The following RAP1A variants were observed in gnomAD, a reference collection of about 807,000 sequenced individuals.
The protein encoded by RAP1A is RAP1A, member of RAS oncogene family.
Under a neutral mutation model 26.4 loss-of-function variants are expected in RAP1A, and 6 were observed. The ratio of observed to expected loss-of-function variants is 0.23; its 90% CI spans 0.12 to 0.45. RAP1A has a LOEUF of 0.45. Ranked by LOEUF, RAP1A falls within the 20% of genes least tolerant of loss-of-function variation. The pLI is 0.99. For synonymous variants in RAP1A, 73 were observed against 79.4 expected (o/e 0.92, Z 0.43); for missense variants, 121 against 217.2 (o/e 0.56, Z 2.78).
chr1:111,697,497 A>G lies in RAP1A; in HGVS notation c.183A>G (p.Thr61=), dbSNP rs935006216. ...CMLEILDTAG[T]EQFTAMRDLY... is the part of the protein sequence containing the mutation. ...TCGAAATCCTGGATACTGCAGGGAC[A>G]GTAAGGATGTTTTCTCTTTTTTTGA... The change falls in exon 4 of 8, where the codon ACA becomes ACG. Residue 61 remains threonine (T), a splice_region_variant and synonymous_variant. Transcript: ENST00000369709. 1.9e-6 allele frequency: 3 copies of G among 1,611,720 alleles called. No homozygotes were observed. Among genetic ancestry groups the G allele is most frequent in the East Asian group, 4.5e-5 (2 of 44,834 alleles).
At chr1:111,551,930 T>C (rs899363200) in intron 1 of RAP1A, among the ~76,000 whole-genome samples, 1 of 152,256 alleles carries the variant, frequency 6.6e-6, no homozygotes, top group African/African-American at 2.4e-5. Context: ...TTCTTGAGCA[T>C]GTGAACAGTT....
chr1:111,611,517 G>A (rs1460842055), intron 1 of RAP1A, among the ~76,000 whole-genome samples: 6 of 152,018 alleles, frequency 3.9e-5, no homozygotes, highest in Admixed American at 2.0e-4. Flanking sequence ...AATGAATAAC[G>A]GTTTATCTTT....
At chr1:111,675,952 T>C (rs72697814) in intron 1 of RAP1A, among the ~76,000 whole-genome samples, 19,228 of 152,150 alleles carry the variant, frequency 0.13, 1,540 homozygotes, top group South Asian at 0.18. Flanking sequence ...TTTCCCCTTA[T>C]CAAAGATCTT....
intron 1 of RAP1A, among the ~76,000 whole-genome samples, chr1:111,630,621 C>T (rs1006140642): frequency 2.4e-4 from 37 of 152,082 alleles, no homozygotes; most frequent in African/African-American, 7.5e-4. Flanking sequence ...TGGAAAAGCT[C>T]GCTGAGATGG....
At chr1:111,580,875 A>C (rs1288049879) in intron 1 of RAP1A, among the ~76,000 whole-genome samples, 4 of 148,988 alleles carry the variant, frequency 2.7e-5, no homozygotes, top group South Asian at 2.2e-4. Context: ...CAAAAAAAAA[A>C]CAACAAAAAA....
chr1:111,576,124 A>G (rs1187002300), intron 1 of RAP1A, among the ~76,000 whole-genome samples: 1 of 152,154 alleles, frequency 6.6e-6, no homozygotes. Flanking sequence ...TAAAGTGCAT[A>G]TGGATCACCT....
chr1:111,616,543 C>T (rs1200137712), upstream of RAP1A, among the ~76,000 whole-genome samples: 2 of 152,204 alleles, frequency 1.3e-5, no homozygotes, highest in East Asian at 3.8e-4. Context: ...TTGATTACTT[C>T]CTCTCAAACT....
At chr1:111,643,120 G>T (rs1659946935) in intron 1 of RAP1A, among the ~76,000 whole-genome samples, 1 of 152,082 alleles carries the variant, frequency 6.6e-6, no homozygotes, top group Admixed American at 6.5e-5. Context: ...AGGATTTTGG[G>T]GCCATATGGT....
chr1:111,613,822 A>T (rs1357866251), intron 1 of RAP1A, among the ~76,000 whole-genome samples: 1 of 152,250 alleles, frequency 6.6e-6, no homozygotes, highest in Non-Finnish European at 1.5e-5. Flanking sequence ...GTGGACCAGC[A>T]TCAACAATCT....
chr1:111,566,323 G>C (rs1435428231), intron 1 of RAP1A, among the ~76,000 whole-genome samples: 1 of 152,180 alleles, frequency 6.6e-6, no homozygotes, highest in African/African-American at 2.4e-5. Flanking sequence ...GCTAATGTGA[G>C]ACATTATGAG....
chr1:111,583,452 C>G (rs1042849319), intron 1 of RAP1A, among the ~76,000 whole-genome samples: 43 of 142,050 alleles, frequency 3.0e-4, no homozygotes, highest in Middle Eastern at 3.5e-3. Flanking sequence ...GCCTGGGCGA[C>G]ACAGCAAGAC....
chr1:111,663,899 C>G (rs887278745), intron 1 of RAP1A, among the ~76,000 whole-genome samples: 1 of 139,490 alleles, frequency 7.2e-6, no homozygotes, highest in African/African-American at 2.5e-5. Context: ...CTTCCTTGCC[C>G]TCCTAACTGA....
intron 1 of RAP1A, among the ~76,000 whole-genome samples, chr1:111,622,333 C>G (rs1430929063): frequency 6.6e-6 from 1 of 152,246 alleles, no homozygotes; most frequent in African/African-American, 2.4e-5. Flanking sequence ...AGCTATTTCC[C>G]TAATCTCAAG....
chr1:111,633,099 G>A (rs1401663374), intron 1 of RAP1A, among the ~76,000 whole-genome samples: 8 of 152,158 alleles, frequency 5.3e-5, no homozygotes, highest in Admixed American at 5.2e-4. Flanking sequence ...TTGTGAAGAG[G>A]TAACATATTT....
At chr1:111,658,947 AT>A (rs1660547969) in intron 1 of RAP1A, among the ~76,000 whole-genome samples, 1 of 152,120 alleles carries the variant, frequency 6.6e-6, no homozygotes, top group African/African-American at 2.4e-5. Context: ...AAGAATTGTT[AT>A]GTCTTCTTGG....
intron 1 of RAP1A, among the ~76,000 whole-genome samples, chr1:111,620,443 G>T (rs1453547075): frequency 1.3e-5 from 2 of 152,220 alleles, no homozygotes; most frequent in African/African-American, 2.4e-5. Flanking sequence ...GCGGGGGCGG[G>T]GGGGAGGGAC....
At position 111,636,738 on chromosome 1, in the gene RAP1A, A is replaced by T. The variant is rs527386999; in HGVS notation, c.-28+16804A>T. 2.0e-5 allele frequency among the ~76,000 whole-genome samples: 3 copies of T among 152,244 alleles called. No homozygotes were observed. In the South Asian group the frequency reaches 6.2e-4, roughly 32 times the overall value. Reference sequence around the variant, plus strand: ...GGTGATCCACCCGCCTTGGCCTCGCAAAGTGCTGGGATTACAGGCATGAGC... The same window carrying T: ...GGTGATCCACCCGCCTTGGCCTCGCTAAGTGCTGGGATTACAGGCATGAGC... On this transcript the variant is annotated intron_variant, in intron 1 of 7. Coordinates refer to ENST00000369709, the MANE Select transcript of RAP1A (RefSeq NM_002884.4).
At chr1:111,599,497 G>A (rs1355184208) in intron 1 of RAP1A, among the ~76,000 whole-genome samples, 2 of 152,242 alleles carry the variant, frequency 1.3e-5, no homozygotes, top group African/African-American at 2.4e-5. Context: ...GAGCCACCAC[G>A]CCTGGCCACA....
rs17028006 is a variant in RAP1A, at chr1:111,567,306, C to T, written c.-28+24797C>T. Among the ~76,000 whole-genome samples the T allele has an allele frequency of 0.013, 1,925 of 152,120 alleles. 136 individuals are homozygous for T. The East Asian group carries it at 0.21, about 17-fold the overall frequency. The stretch of plus-strand genomic sequence containing the variant: ...TTACACCAGCAGGATGTGTAAGATA[C>T]GTGAATTACTTAAACACTAGGTAGA... On this transcript the variant is annotated intron_variant, in intron 1 of 7. Transcript: ENST00000356415.
Sources: gnomAD v4.1 joint callset for allele counts (sites outside exome capture counted in the v4.1 genomes callset) on GRCh38, gnomAD v4.1.1 for gene constraint, MANE v1.5 for transcripts, NCBI Gene and HGNC (gene_info 2026-07-23, HGNC 2026-07-21) for gene names.